OPCML: variants seen among roughly 807,000 people sequenced by gnomAD.
OPCML encodes opioid-binding protein/cell adhesion molecule.
A neutral mutation model predicts 37.8 loss-of-function variants in OPCML; 13 were observed. The ratio of observed to expected loss-of-function variants is 0.34; its 90% CI spans 0.22 to 0.55. The LOEUF is 0.55. Among genes scored for constraint, OPCML ranks in the 20% least tolerant of loss-of-function variants. The pLI is 0.91. For synonymous variants in OPCML, 176 were observed against 168.8 expected (o/e 1.04, Z -0.33); for missense variants, 341 against 435.6 (o/e 0.78, Z 1.93).
At chr11:133,442,576 A>G (rs1946384831) in intron 1 of OPCML, among the ~76,000 whole-genome samples, 2 of 152,214 alleles carry the variant, frequency 1.3e-5, no homozygotes, top group South Asian at 4.1e-4. Context: ...CAATTTGGGG[A>G]AAATCCATGC....
chr11:133,194,170 A>G (rs1471921330), intron 1 of OPCML, among the ~76,000 whole-genome samples: 2 of 145,108 alleles, frequency 1.4e-5, no homozygotes, highest in African/African-American at 2.6e-5. Flanking sequence ...GCCGATGGCC[A>G]TTCCTTCCCT....
chr11:132,860,038 T>A (rs1314515635), intron 2 of OPCML: 1 of 152,222 alleles, frequency 6.6e-6, no homozygotes, highest in African/African-American at 2.4e-5. Context: ...CACTAGGCCA[T>A]TAGCTGACAG....
intron 1 of OPCML, among the ~76,000 whole-genome samples, chr11:133,219,512 C>T (rs1038613819): frequency 3.3e-5 from 5 of 152,176 alleles, no homozygotes; most frequent in Non-Finnish European, 5.9e-5. Context: ...CAATGCTTCT[C>T]GAATTTTAGC....
chr11:132,529,072 A>G lies in OPCML; in HGVS notation c.494T>C (p.Leu165Pro), dbSNP rs2096316523. 6.2e-7 allele frequency: 1 copy of G among 1,611,870 alleles called. No individual in the cohort carries two copies. Among genetic ancestry groups the G allele is most frequent in the Non-Finnish European group, 8.5e-7 (1 of 1,178,444 alleles). ...RPEPTVTWRH[L>P]SVKEGQGFVS... ...GGTCAGCACCTTACCCTTGACTGAC[A>G]GGTGTCTCCATGTCACAGTTGGCTC... is the stretch of plus-strand genomic sequence containing the variant. Residue 165 changes from leucine to proline, a missense_variant, in exon 4 of 8, where the codon CTG (leucine) becomes CCG (proline). Physicochemically the swap from Leu to Pro is moderately conservative, Grantham distance 98. Coordinates refer to ENST00000524381, the MANE Select transcript of OPCML (RefSeq NM_001012393.5).
intron 4 of OPCML, among the ~76,000 whole-genome samples, chr11:132,523,305 C>T (rs1051561940): frequency 1.3e-5 from 2 of 152,194 alleles, no homozygotes; most frequent in African/African-American, 4.8e-5. Context: ...CTAGTATTAG[C>T]TCTTTACTTC....
chr11:133,463,310 G>T (rs1385866758), intron 1 of OPCML, among the ~76,000 whole-genome samples: 2 of 151,964 alleles, frequency 1.3e-5, no homozygotes, highest in Non-Finnish European at 2.9e-5. Context: ...GATAATAAAA[G>T]TTTTGGAGAT....
intron 1 of OPCML, among the ~76,000 whole-genome samples, chr11:133,233,432 C>T (rs1041274826): frequency 1.3e-5 from 2 of 152,188 alleles, no homozygotes; most frequent in African/African-American, 2.4e-5. Context: ...GGAGAATGCT[C>T]CTGTTACTGG....
intron 1 of OPCML, among the ~76,000 whole-genome samples, chr11:133,042,314 G>A (rs1947918062): frequency 1.3e-5 from 2 of 152,304 alleles, no homozygotes; most frequent in South Asian, 4.1e-4. Flanking sequence ...TGTGTACGGA[G>A]TGAAGAAAAA....
chr11:133,322,194 T>C lies in OPCML; in HGVS notation c.61+210070A>G, dbSNP rs116950518. ...CTCAGCATTTGAATCTACTTATCTA[T>C]GCTCTGTTCTGATCAATATTAAAAT... On this transcript the variant is annotated intron_variant, in intron 1 of 7. Transcript: ENST00000524381. Among the ~76,000 whole-genome samples, 911 of 152,328 alleles carry C rather than the reference T, an allele frequency of 6.0e-3. 2 individuals carry two copies. The highest frequency in any genetic ancestry group is 0.014 in the Middle Eastern group (4 of 294).
intron 1 of OPCML, among the ~76,000 whole-genome samples, chr11:133,140,513 A>AAATTATAATAATAATAAT (rs1555102085): frequency 1.0e-5 from 1 of 95,906 alleles, no homozygotes; most frequent in African/African-American, 3.9e-5. Flanking sequence ...CTCTGTCTCA[A>AAATTATAATAATAATAAT]AATAATAATA....
chr11:132,695,955 G>A (rs1309913020), intron 2 of OPCML, among the ~76,000 whole-genome samples: 1 of 152,150 alleles, frequency 6.6e-6, no homozygotes, highest in Non-Finnish European at 1.5e-5. Flanking sequence ...GCAGAAATGA[G>A]CAGTGGGGCC....
intron 2 of OPCML, among the ~76,000 whole-genome samples, chr11:132,695,165 T>C (rs879724037): frequency 6.6e-6 from 1 of 151,776 alleles, no homozygotes; most frequent in Non-Finnish European, 1.5e-5. Context: ...GGATATGTGG[T>C]AAAGGTTATG....
chr11:133,315,997 G>A (rs1943197570), intron 1 of OPCML, among the ~76,000 whole-genome samples: 2 of 152,164 alleles, frequency 1.3e-5, no homozygotes, highest in South Asian at 2.1e-4. Context: ...AGCCCTCATT[G>A]AATAGGCAAG....
At chr11:132,991,328 T>C (rs966952606) in intron 1 of OPCML, among the ~76,000 whole-genome samples, 4 of 152,224 alleles carry the variant, frequency 2.6e-5, no homozygotes, top group Non-Finnish European at 4.4e-5. Context: ...ATCATATTTG[T>C]ATTCATTTTC....
chr11:132,441,019 C>T (rs958788081), intron 4 of OPCML, among the ~76,000 whole-genome samples: 1 of 151,224 alleles, frequency 6.6e-6, no homozygotes, highest in Non-Finnish European at 1.5e-5. Flanking sequence ...GGAAGGAAAA[C>T]GGGCAGGGAG....
At chr11:132,767,492 G>A (rs193238817) in intron 2 of OPCML, among the ~76,000 whole-genome samples, 10 of 152,226 alleles carry the variant, frequency 6.6e-5, no homozygotes, top group Middle Eastern at 3.4e-3. Context: ...CCATTTAGCC[G>A]ACATACTGCA....
At chr11:132,734,500 C>T (rs900011610) in intron 2 of OPCML, among the ~76,000 whole-genome samples, 6 of 152,174 alleles carry the variant, frequency 3.9e-5, no homozygotes, top group Non-Finnish European at 5.9e-5. Flanking sequence ...CAGTTGTTAG[C>T]CATATGAGTG....
At chr11:133,417,623 A>G (rs1466554679) in intron 1 of OPCML, among the ~76,000 whole-genome samples, 1 of 149,208 alleles carries the variant, frequency 6.7e-6, no homozygotes, top group East Asian at 2.0e-4. Flanking sequence ...TCCTAATGCT[A>G]TCCCTCCCCA....
At chr11:133,038,505 AT>A (rs1298072284) in intron 1 of OPCML, among the ~76,000 whole-genome samples, 4 of 152,162 alleles carry the variant, frequency 2.6e-5, no homozygotes, top group African/African-American at 7.2e-5. Context: ...CATTATTTTA[AT>A]TTTTTTCCTA....
Sources: allele counts gnomAD v4.1 joint callset (sites outside exome capture counted in the v4.1 genomes callset), GRCh38; gene constraint gnomAD v4.1.1; transcripts MANE v1.5; gene names NCBI Gene and HGNC (gene_info 2026-07-23, HGNC 2026-07-21).